The following NAALADL2 variants were observed in gnomAD, a reference collection of about 807,000 sequenced individuals.
NAALADL2 encodes the protein inactive N-acetylated-alpha-linked acidic dipeptidase-like protein 2.
NAALADL2 carries 76 observed loss-of-function variants against 87.2 expected under a neutral mutation model. The ratio of observed to expected loss-of-function variants is 0.87; its 90% CI spans 0.72 to 1.05. The LOEUF is 1.05. Among genes scored for constraint, NAALADL2 ranks in the 50% least tolerant of loss-of-function variants. The pLI is 0.00. For missense variants in NAALADL2, 1,089 were observed against 945.8 expected (o/e 1.15, Z -1.99); for synonymous variants, 354 against 331.0 (o/e 1.07, Z -0.75).
intron 3 of NAALADL2, among the ~76,000 whole-genome samples, chr3:174,803,583 T>C (rs1306685378): frequency 6.6e-6 from 1 of 150,696 alleles, no homozygotes; most frequent in Non-Finnish European, 1.5e-5. Flanking sequence ...GGTTTTATTC[T>C]AGGGTTTTTA....
chr3:175,713,943 A>G (rs1342755566), intron 11 of NAALADL2, among the ~76,000 whole-genome samples: 1 of 152,042 alleles, frequency 6.6e-6, no homozygotes, highest in South Asian at 2.1e-4. Flanking sequence ...ATGTGTTCTC[A>G]TTGTTCAACT....
chr3:174,972,865 G>A (rs1451638801), intron 1 of NAALADL2, among the ~76,000 whole-genome samples: 1 of 151,998 alleles, frequency 6.6e-6, no homozygotes, highest in Non-Finnish European at 1.5e-5. Context: ...GCGTGGTGAT[G>A]CATGCCCATA....
chr3:175,151,276 G>A lies in NAALADL2; in HGVS notation c.545+53985G>A, dbSNP rs564314045. Reference sequence around the variant, plus strand: ...TGGGGAAGTCAGCTATGGAAGCCAGGATGAGTTGTCAAGTTCTTATTCACA... The same window carrying A: ...TGGGGAAGTCAGCTATGGAAGCCAGAATGAGTTGTCAAGTTCTTATTCACA... On this transcript the variant is annotated intron_variant, in intron 2 of 13. Coordinates refer to ENST00000454872, the MANE Select transcript of NAALADL2 (RefSeq NM_207015.3). 2.6e-5 allele frequency among the ~76,000 whole-genome samples: 4 copies of A among 152,224 alleles called. No individual in the cohort carries two copies. The South Asian group carries it at 8.3e-4, about 32-fold the overall frequency.
chr3:175,551,896 C>T (rs1714439107), intron 9 of NAALADL2, among the ~76,000 whole-genome samples: 1 of 137,440 alleles, frequency 7.3e-6, no homozygotes, highest in African/African-American at 2.8e-5. Context: ...GCACTCCAGA[C>T]TGGGCAGCAG....
rs60569510 is a variant in NAALADL2 at position 174,657,041 on chromosome 3, CT to C, written c.-114-80581del. 5.0e-3 allele frequency among the ~76,000 whole-genome samples: 580 copies of C among 115,798 alleles called. 1 individual carries two copies. Among genetic ancestry groups the C allele is most frequent in the South Asian group, 0.026 (95 of 3,700 alleles). 76.0% of individuals were successfully genotyped at this position (115,798 alleles called of 152,430 possible). ...TCTCTCTCTTTTTCTTTTCCTTCTTCTTTTTTTTTTTTTTTTTTTGCTCCGT... is the reference window on the plus strand; with the variant it reads ...TCTCTCTCTTTTTCTTTTCCTTCTTCTTTTTTTTTTTTTTTTTTGCTCCGT... On this transcript the variant is annotated intron_variant, in intron 2 of 3. Coordinates refer to the NAALADL2 transcript ENST00000434257.
At chr3:175,478,598 A>C (rs1560619202) in intron 9 of NAALADL2, among the ~76,000 whole-genome samples, 1 of 151,940 alleles carries the variant, frequency 6.6e-6, no homozygotes, top group Non-Finnish European at 1.5e-5. Flanking sequence ...AAACAATTTG[A>C]AACTTGAAAT....
intron 11 of NAALADL2, among the ~76,000 whole-genome samples, chr3:175,664,838 GA>G (rs1732735877): frequency 6.6e-6 from 1 of 151,980 alleles, no homozygotes; most frequent in Non-Finnish European, 1.5e-5. Context: ...TAAGTGGTTT[GA>G]TTTTTTTTCC....
chr3:174,712,266 G>C (rs1373975594), intron 2 of NAALADL2, among the ~76,000 whole-genome samples: 2 of 151,810 alleles, frequency 1.3e-5, no homozygotes, highest in Non-Finnish European at 2.9e-5. Context: ...AATTTCTAAT[G>C]GGATAAATAA....
At chr3:174,443,137 G>A (rs1714788961) in intron 1 of NAALADL2, among the ~76,000 whole-genome samples, 1 of 152,192 alleles carries the variant, frequency 6.6e-6, no homozygotes, top group Non-Finnish European at 1.5e-5. Flanking sequence ...CTTTTGACAA[G>A]AGGAATGACA....
At chr3:174,524,400 G>T (rs1332919241) in intron 1 of NAALADL2, among the ~76,000 whole-genome samples, 2 of 152,176 alleles carry the variant, frequency 1.3e-5, no homozygotes, top group African/African-American at 4.8e-5. Context: ...GTCCTGTAAG[G>T]CTTGCCCAGG....
At chr3:175,036,956 T>A (rs1354074700) in intron 1 of NAALADL2, among the ~76,000 whole-genome samples, 2 of 151,996 alleles carry the variant, frequency 1.3e-5, no homozygotes, top group Non-Finnish European at 2.9e-5. Context: ...TACATGCAGC[T>A]CTTCCACATT....
chr3:175,667,201 A>G (rs1024148191), intron 11 of NAALADL2, among the ~76,000 whole-genome samples: 6 of 114,922 alleles, frequency 5.2e-5, no homozygotes, highest in African/African-American at 3.4e-4. Flanking sequence ...GAAAGAAAGA[A>G]AGAAAGAAAG....
intron 3 of NAALADL2, among the ~76,000 whole-genome samples, chr3:174,794,412 C>T (rs774681095): frequency 2.5e-4 from 38 of 151,730 alleles, no homozygotes; most frequent in African/African-American, 6.8e-4. Flanking sequence ...ACATTCTAGG[C>T]GTATTAATGA....
At chr3:175,584,905 C>T (rs772530981) in intron 10 of NAALADL2, among the ~76,000 whole-genome samples, 7 of 152,110 alleles carry the variant, frequency 4.6e-5, no homozygotes, top group Non-Finnish European at 1.0e-4. Context: ...CATTTCTGTG[C>T]ACTATTAAAG....
intron 1 of NAALADL2, among the ~76,000 whole-genome samples, chr3:174,467,781 T>C (rs1213145351): frequency 1.3e-5 from 2 of 151,998 alleles, no homozygotes; most frequent in Admixed American, 6.6e-5. Context: ...CAAAACAATA[T>C]GTATAAGATG....
chr3:174,978,557 A>G (rs1744671054), intron 1 of NAALADL2, among the ~76,000 whole-genome samples: 1 of 152,222 alleles, frequency 6.6e-6, no homozygotes, highest in African/African-American at 2.4e-5. Context: ...GGCAATGGAC[A>G]GGAGAAATCT....
intron 11 of NAALADL2, among the ~76,000 whole-genome samples, chr3:175,660,134 C>A (rs1007312843): frequency 2.6e-5 from 4 of 152,094 alleles, no homozygotes; most frequent in African/African-American, 9.7e-5. Context: ...TATAAGGGAA[C>A]TAATCCTGTT....
intron 5 of NAALADL2, among the ~76,000 whole-genome samples, chr3:175,329,992 G>A (rs1761202072): frequency 6.6e-6 from 1 of 152,140 alleles, no homozygotes; most frequent in African/African-American, 2.4e-5. Context: ...TAAAAAATCA[G>A]TGTACCATAT....
At chr3:174,945,399 A>G (rs1269318043) in intron 1 of NAALADL2, among the ~76,000 whole-genome samples, 1 of 152,136 alleles carries the variant, frequency 6.6e-6, no homozygotes, top group Admixed American at 6.5e-5. Context: ...CTTCTGTGAT[A>G]CTGCATTGCC....
Sources: allele counts gnomAD v4.1 joint callset (sites outside exome capture counted in the v4.1 genomes callset), GRCh38; gene constraint gnomAD v4.1.1; transcripts MANE v1.5; gene names NCBI Gene and HGNC (gene_info 2026-07-23, HGNC 2026-07-21).